CCDC14: variants seen among roughly 807,000 people sequenced by gnomAD.
CCDC14 encodes the protein coiled-coil domain-containing protein 14.
CCDC14 carries 71 observed loss-of-function variants against 81.4 expected under a neutral mutation model. That is an observed-to-expected ratio of 0.87 (90% CI 0.72 to 1.06). CCDC14 has a LOEUF of 1.06. Ranked by LOEUF, CCDC14 falls within the 50% of genes least tolerant of loss-of-function variation. The pLI is 0.00. For synonymous variants in CCDC14, 332 were observed against 364.8 expected, an observed-to-expected ratio of 0.91 and a Z score of 1.03; for missense variants, 1,046 against 1,047.3, an observed-to-expected ratio of 1.00 and a Z score of 0.02.
intron 9 of CCDC14, among the ~76,000 whole-genome samples, chr3:123,937,711 T>G (rs1319406721): frequency 6.6e-6 from 1 of 151,876 alleles, no homozygotes; most frequent in East Asian, 1.9e-4. Context: ...ATATTTTTTG[T>G]GTTGTATTTT....
intron 9 of CCDC14, among the ~76,000 whole-genome samples, chr3:123,937,763 C>G (rs532800145): frequency 4.0e-5 from 6 of 151,704 alleles, no homozygotes; most frequent in African/African-American, 1.5e-4. Flanking sequence ...TTTTCTCTTA[C>G]GTTTCCTTTC....
intron 5 of CCDC14, among the ~76,000 whole-genome samples, chr3:123,950,450 T>C (rs1213496473): frequency 6.6e-6 from 1 of 152,122 alleles, no homozygotes; most frequent in Non-Finnish European, 1.5e-5. Context: ...CTATACAGCA[T>C]TAAAAAACCA....
Position 123,913,994 on chromosome 3 carries a change from C to T in CCDC14, c.*785G>A, listed in dbSNP as rs1191173769. 5.1e-6 allele frequency: 5 copies of T among 985,362 alleles called. No individual in the cohort carries two copies. Among genetic ancestry groups the T allele is most frequent in the Non-Finnish European group, 6.0e-6 (5 of 829,596 alleles). 61.0% of individuals were successfully genotyped at this position (985,362 alleles called of 1,614,324 possible). ...AAATTCTTCCAAAAAGGCAGAATTACAATCAATGCCAAGATTTACAAATTC... is the reference window on the plus strand; with the variant it reads ...AAATTCTTCCAAAAAGGCAGAATTATAATCAATGCCAAGATTTACAAATTC... On this transcript the variant is annotated 3_prime_UTR_variant, in exon 13 of 13. Transcript: ENST00000409697.
rs1386892172 is a variant in CCDC14, at chr3:123,913,552, T to C, written c.*1227A>G. 2.4e-5 allele frequency: 24 copies of C among 980,788 alleles called. No homozygotes were observed. The highest frequency in any genetic ancestry group is 2.8e-5 in the Non-Finnish European group (23 of 825,926). The allele number at this position is 980,788 out of a possible 1,614,324, so 60.8% of individuals were successfully genotyped here. A position where few individuals can be genotyped will look rare whatever the true frequency, so the allele number is the denominator to read the frequency against. ...TAAAATTAAAGATGCTAATGGACTC[T>C]TGTGTGAAATAGTTTAGAATTCACT... On this transcript the variant is annotated 3_prime_UTR_variant, in exon 13 of 13. Transcript: ENST00000409697.
At chr3:123,930,245 T>A (rs138490905) in intron 12 of CCDC14, among the ~76,000 whole-genome samples, 1 of 152,312 alleles carries the variant, frequency 6.6e-6, no homozygotes, top group African/African-American at 2.4e-5. Context: ...ACTGTTTCAT[T>A]TGCTTCCCTA....
downstream of CCDC14, chr3:123,913,419 C>A: frequency 1.0e-6 from 1 of 982,710 alleles, no homozygotes; most frequent in South Asian, 4.7e-5. Context: ...ACAGATGACA[C>A]AATTTTTTTC....
Position 123,944,846 on chromosome 3 carries a change from T to C in CCDC14, c.1343+3A>G, listed in dbSNP as rs772166357. 2.6e-5 allele frequency: 42 copies of C among 1,604,308 alleles called. No homozygotes were observed. In the East Asian group the frequency reaches 9.0e-4, roughly 34 times the overall value. On this transcript the variant is annotated splice_donor_region_variant and intron_variant, in intron 9 of 12. Transcript: ENST00000409697. ...ACAAAAATATTCAAAGAGCAATTCTTACCTTCGTAACTGAGCATTCTCACT... is the reference window on the plus strand; with the variant it reads ...ACAAAAATATTCAAAGAGCAATTCTCACCTTCGTAACTGAGCATTCTCACT...
intron 8 of CCDC14, 24 bp downstream of exon 8, chr3:123,946,779 C>T: frequency 2.5e-6 from 4 of 1,593,172 alleles, no homozygotes; most frequent in Non-Finnish European, 3.4e-6. Context: ...CACCATACTA[C>T]AGAAAGTTAT....
At chr3:123,887,660 T>C in the CCDC14 span, among the ~76,000 whole-genome samples, 1 of 152,216 alleles carries the variant, frequency 6.6e-6, no homozygotes, top group African/African-American at 2.4e-5. Flanking sequence ...CTTTATCTTT[T>C]TCTTTCAAAT....
intron 12 of CCDC14, among the ~76,000 whole-genome samples, chr3:123,917,145 A>C (rs2034753328): frequency 6.6e-6 from 1 of 151,516 alleles, no homozygotes; most frequent in African/African-American, 2.4e-5. Context: ...GCCCAGCCTA[A>C]AGCCATTTTA....
At chr3:123,916,462 ATGTGTTTGTGTGTGTGTGTGTG>A (rs1475904450) in intron 12 of CCDC14, among the ~76,000 whole-genome samples, 1 of 81,960 alleles carries the variant, frequency 1.2e-5, no homozygotes. Flanking sequence ...TTCATTATAT[ATGTGTTTGTGTGTGTGTGTGTG>A]TGTGTGTGTG....
At chr3:123,928,333 T>TAAAAAA (rs36006823) in intron 12 of CCDC14, among the ~76,000 whole-genome samples, 12 of 76,372 alleles carry the variant, frequency 1.6e-4, no homozygotes, top group East Asian at 1.2e-3. Flanking sequence ...CAGTCTCTAC[T>TAAAAAA]AAAAAAAAAA....
chr3:123,937,372 A>G (rs898293762), intron 9 of CCDC14, among the ~76,000 whole-genome samples: 2 of 152,052 alleles, frequency 1.3e-5, no homozygotes, highest in African/African-American at 4.8e-5. Flanking sequence ...ATGGGTATGC[A>G]GTGGTATTTT....
rs549290982 is a variant in CCDC14, at chr3:123,926,962, AG to A, written c.1778+4139del. On this transcript the variant is annotated intron_variant, in intron 12 of 12. Transcript: ENST00000409697. ...TGGTGCTTTACACTCTAACGTCCAA[AG>A]TAAAATTAAAATGGTCACAGCAATC... Among the ~76,000 whole-genome samples the A allele has an allele frequency of 1.4e-3, 218 of 152,324 alleles. 1 individual carries two copies. Among genetic ancestry groups the A allele is most frequent in the African/African-American group, 5.0e-3 (207 of 41,566 alleles).
At chr3:123,910,835 A>C (rs555125863), downstream of CCDC14, among the ~76,000 whole-genome samples, 2 of 152,320 alleles carry the variant, frequency 1.3e-5, no homozygotes, top group South Asian at 4.1e-4. Flanking sequence ...TAGGTCCAAC[A>C]ATAGTTATTA....
Position 123,898,655 on chromosome 3 carries a change from TAAGTTTGAATCCAG to T in CCDC14, c.668-1056_668-1043del, listed in dbSNP as rs556345606. ...CTAAACAGGTGTGAAGTGAAAAACT[TAAGTTTGAATCCAG>T]CACTTGTGAATATCCCAGTACGTTT... On this transcript the variant is annotated intron_variant, in intron 5 of 5. Coordinates refer to the CCDC14 transcript ENST00000479903. Among the ~76,000 whole-genome samples, 19 of 152,270 alleles carry T rather than the reference TAAGTTTGAATCCAG, an allele frequency of 1.2e-4. 1 individual carries two copies. In the South Asian group the frequency reaches 3.7e-3, roughly 30 times the overall value.
In CCDC14 at chr3:123,913,505, AAATT is replaced by A. The variant is rs1394698594; in HGVS notation, c.*1270_*1273del. 23 of 980,748 alleles carry A rather than the reference AAATT, an allele frequency of 2.3e-5. No homozygotes were observed. The highest frequency in any genetic ancestry group is 1.1e-4 in the East Asian group (1 of 8,802). 60.8% of individuals were successfully genotyped at this position (980,748 alleles called of 1,614,324 possible). A position where few individuals can be genotyped will look rare whatever the true frequency, so the allele number is the denominator to read the frequency against. ...TATTACCTCCAAATAAGATGCCAAT[AAATT>A]AATTCATGAATACTAAATAAAATTA... On this transcript the variant is annotated 3_prime_UTR_variant, in exon 13 of 13. Coordinates refer to ENST00000409697, the MANE Select transcript of CCDC14 (RefSeq NM_001366335.1).
downstream of CCDC14, among the ~76,000 whole-genome samples, chr3:123,892,733 A>C (rs558504367): frequency 1.4e-5 from 2 of 147,254 alleles, no homozygotes; most frequent in East Asian, 4.0e-4. Flanking sequence ...ACCATTTCAC[A>C]ACTCTTCCCT....
rs143772493 is a variant in CCDC14 at position 123,902,307 on chromosome 3, T to C, written c.668-4694A>G. Among the ~76,000 whole-genome samples, 397 of 152,322 alleles carry C rather than the reference T, an allele frequency of 2.6e-3. 1 individual carries two copies. Among genetic ancestry groups the C allele is most frequent in the African/African-American group, 9.0e-3 (375 of 41,578 alleles). On this transcript the variant is annotated intron_variant, in intron 5 of 5. Transcript: ENST00000479903. The stretch of plus-strand genomic sequence containing the variant: ...CACCTCATAAATGAAAAAGAGTAGA[T>C]TTAGACTGTCACCATTCTGCAATCC...
Sources: allele counts gnomAD v4.1 joint callset (sites outside exome capture counted in the v4.1 genomes callset), GRCh38; gene constraint gnomAD v4.1.1; transcripts MANE v1.5; gene names NCBI Gene and HGNC (gene_info 2026-07-23, HGNC 2026-07-21).